DCDC1: variants seen among roughly 807,000 people sequenced by gnomAD.
The protein encoded by DCDC1 is doublecortin domain-containing protein 1.
In DCDC1, 200 loss-of-function variants were observed where a neutral mutation model predicts 178.3. The ratio of observed to expected loss-of-function variants is 1.12; its 90% CI spans 1.00 to 1.26. DCDC1 has a LOEUF of 1.26. DCDC1 is among the 50% of genes most tolerant of loss of function. DCDC1 has a pLI of 0.00. For synonymous variants in DCDC1, 690 were observed against 604.8 expected (o/e 1.14, Z -2.07); for missense variants, 1,983 against 1,749.2 (o/e 1.13, Z -2.38).
chr11:30,905,552 ATGT>A (rs908097985), intron 30 of DCDC1, among the ~76,000 whole-genome samples: 7 of 152,194 alleles, frequency 4.6e-5, no homozygotes, highest in Admixed American at 2.6e-4. Flanking sequence ...ATGGTGGAAG[ATGT>A]TGATGAATGG....
chr11:31,172,491 C>T (rs920349086), intron 9 of DCDC1, among the ~76,000 whole-genome samples: 1 of 152,102 alleles, frequency 6.6e-6, no homozygotes. Context: ...GAGCCTCAAA[C>T]AACATGGAGG....
chr11:30,971,603 G>GTTTTTTTTTTT (rs71060475), intron 20 of DCDC1, among the ~76,000 whole-genome samples: 2 of 83,560 alleles, frequency 2.4e-5, no homozygotes, highest in East Asian at 3.9e-4. Flanking sequence ...ACAGGCCTTT[G>GTTTTTTTTTTT]TTTTTTTTTT....
intron 20 of DCDC1, among the ~76,000 whole-genome samples, chr11:30,987,906 A>C (rs1279323378): frequency 6.6e-6 from 1 of 152,190 alleles, no homozygotes; most frequent in Non-Finnish European, 1.5e-5. Flanking sequence ...GGGAAGCCAA[A>C]AAATTGGATG....
chr11:31,127,670 C>T lies in DCDC1; in HGVS notation c.1315-31G>A, dbSNP rs750828754. ...GGGGTTAAATTACAAGAGTTGTTAG[C>T]GAGAAGTAATTGTTGATGTCACACC... On this transcript the variant is annotated intron_variant, in intron 10 of 38. Transcript: ENST00000684477. 102 of 695,788 alleles carry T rather than the reference C, an allele frequency of 1.5e-4. 3 individuals are homozygous for T. The highest frequency in any genetic ancestry group is 1.4e-3 in the South Asian group (95 of 66,472). 43.1% of individuals were successfully genotyped at this position (695,788 alleles called of 1,614,324 possible). A position where few individuals can be genotyped will look rare whatever the true frequency, so the allele number is the denominator to read the frequency against.
intron 21 of DCDC1, among the ~76,000 whole-genome samples, chr11:30,944,959 C>CTTTTTTT (rs34334567): frequency 1.5e-5 from 1 of 65,508 alleles, no homozygotes; most frequent in African/African-American, 6.3e-5. Flanking sequence ...ACAAAAATGT[C>CTTTTTTT]TTTTTTTTTT....
intron 1 of DCDC1, among the ~76,000 whole-genome samples, chr11:31,359,070 C>T (rs1341866383): frequency 6.6e-6 from 1 of 152,132 alleles, no homozygotes; most frequent in Non-Finnish European, 1.5e-5. Flanking sequence ...TTGACCCAGC[C>T]ATCCCATTAC....
At position 30,935,993 on chromosome 11, in the gene DCDC1, G is replaced by A. The variant is rs574160738; in HGVS notation, c.2716-4041C>T. ...TATAGTGAGTCCACCACATTCAGCTGTTTGCACAGCGGTCTCAGTGGTTAG... is the reference window on the plus strand; with the variant it reads ...TATAGTGAGTCCACCACATTCAGCTATTTGCACAGCGGTCTCAGTGGTTAG... On this transcript the variant is annotated intron_variant, in intron 21 of 38. Transcript: ENST00000684477. Among the ~76,000 whole-genome samples, 4 of 152,224 alleles carry A rather than the reference G, an allele frequency of 2.6e-5. No homozygotes were observed. The South Asian group carries it at 8.3e-4, about 32-fold the overall frequency.
chr11:31,343,726 C>T (rs1379273443), intron 1 of DCDC1, among the ~76,000 whole-genome samples: 1 of 152,084 alleles, frequency 6.6e-6, no homozygotes, highest in Non-Finnish European at 1.5e-5. Context: ...CATGACCAGT[C>T]TGGCCAACAT....
At chr11:31,207,651 T>A (rs953136737) in intron 9 of DCDC1, among the ~76,000 whole-genome samples, 16 of 152,214 alleles carry the variant, frequency 1.1e-4, no homozygotes, top group African/African-American at 3.4e-4. Context: ...ATATTTAGCA[T>A]GCAAACATGC....
intron 9 of DCDC1, among the ~76,000 whole-genome samples, chr11:31,163,857 C>T (rs1453182179): frequency 6.6e-6 from 1 of 152,128 alleles, no homozygotes; most frequent in African/African-American, 2.4e-5. Flanking sequence ...TAAGAATTCT[C>T]CTAACATTTC....
intron 9 of DCDC1, among the ~76,000 whole-genome samples, chr11:31,174,049 C>G (rs563154922): frequency 6.6e-6 from 1 of 152,158 alleles, no homozygotes; most frequent in Non-Finnish European, 1.5e-5. Flanking sequence ...AGGAGTCTTG[C>G]ACTTCCCCAA....
At chr11:31,100,090 G>A (rs554382829) in intron 15 of DCDC1, among the ~76,000 whole-genome samples, 1 of 152,178 alleles carries the variant, frequency 6.6e-6, no homozygotes, top group Admixed American at 6.5e-5. Context: ...GGGTGACAGA[G>A]AAGGCTGGGT....
At chr11:31,345,316 G>A (rs1469530334) in intron 1 of DCDC1, among the ~76,000 whole-genome samples, 1 of 152,144 alleles carries the variant, frequency 6.6e-6, no homozygotes, top group African/African-American at 2.4e-5. Flanking sequence ...GCTTGTTAAT[G>A]TTTTTAACGT....
intron 35 of DCDC1, among the ~76,000 whole-genome samples, chr11:30,893,740 C>T (rs779391920): frequency 2.6e-5 from 4 of 152,140 alleles, no homozygotes; most frequent in Non-Finnish European, 5.9e-5. Flanking sequence ...TTTCCCTGGT[C>T]TCTCTCCCCG....
At chr11:31,216,825 T>G (rs1374837953) in intron 9 of DCDC1, among the ~76,000 whole-genome samples, 1 of 152,184 alleles carries the variant, frequency 6.6e-6, no homozygotes, top group Non-Finnish European at 1.5e-5. Flanking sequence ...TGCTGAAGCC[T>G]AGATTCTGTG....
intron 1 of DCDC1, among the ~76,000 whole-genome samples, chr11:31,359,654 A>T (rs1164963869): frequency 6.6e-6 from 1 of 152,192 alleles, no homozygotes; most frequent in African/African-American, 2.4e-5. Context: ...TAATGCAAAG[A>T]CCACTGGGAC....
At chr11:31,037,802 A>C (rs1954167490) in intron 20 of DCDC1, among the ~76,000 whole-genome samples, 1 of 152,018 alleles carries the variant, frequency 6.6e-6, no homozygotes, top group African/African-American at 2.4e-5. Context: ...CTTTAATTCT[A>C]ACTTTCATTT....
At chr11:31,220,212 T>C (rs963418872) in intron 9 of DCDC1, among the ~76,000 whole-genome samples, 2 of 152,214 alleles carry the variant, frequency 1.3e-5, no homozygotes, top group Non-Finnish European at 2.9e-5. Context: ...AGGATTATCA[T>C]GTACAATTCC....
chr11:30,911,471 T>A lies in DCDC1; in HGVS notation c.3654-51A>T, dbSNP rs1183100323. 1.1e-5 allele frequency: 15 copies of A among 1,408,720 alleles called. No individual in the cohort carries two copies. In the African/African-American group the frequency reaches 1.9e-4, roughly 17 times the overall value. 87.3% of individuals were successfully genotyped at this position (1,408,720 alleles called of 1,614,324 possible). On this transcript the variant is annotated intron_variant, in intron 27 of 38. Coordinates refer to ENST00000684477, the MANE Select transcript of DCDC1 (RefSeq NM_001387274.1). ...TACAAAGTAGCATGACCAGATTAGA[T>A]CTCCCTCTGTGCCACTTAGCACTGT...
Sources: allele counts gnomAD v4.1 joint callset (sites outside exome capture counted in the v4.1 genomes callset), GRCh38; gene constraint gnomAD v4.1.1; transcripts MANE v1.5; gene names NCBI Gene and HGNC (gene_info 2026-07-23, HGNC 2026-07-21).